Variants in NEDD9 observed in about 807,000 individuals in gnomAD.
The protein encoded by NEDD9 is neural precursor cell expressed, developmentally down-regulated 9.
A neutral mutation model predicts 76.6 loss-of-function variants in NEDD9; 26 were observed. That is an observed-to-expected ratio of 0.34 (90% CI 0.25 to 0.47). The LOEUF (loss-of-function observed/expected upper bound fraction) is 0.47. NEDD9 is among the 20% of genes least tolerant of loss of function. The pLI is 1.00. For synonymous variants in NEDD9, 392 were observed against 414.2 expected (o/e 0.95, Z 0.65); for missense variants, 937 against 1,058.5 (o/e 0.89, Z 1.59).
chr6:11,374,881 T>G (rs1762946435), intron 1 of NEDD9, among the ~76,000 whole-genome samples: 1 of 152,182 alleles, frequency 6.6e-6, no homozygotes, highest in Non-Finnish European at 1.5e-5. Context: ...AGTCACAAAT[T>G]GTCTGTCCAG....
chr6:11,212,726 G>A (rs3798743), intron 2 of NEDD9, among the ~76,000 whole-genome samples: 41,428 of 152,080 alleles, frequency 0.27, 6,721 homozygotes, highest in African/African-American at 0.45. Context: ...ACTAGTATCT[G>A]TGCATTTTTA....
At chr6:11,228,213 C>G (rs1158638230) in intron 1 of NEDD9, among the ~76,000 whole-genome samples, 1 of 151,960 alleles carries the variant, frequency 6.6e-6, no homozygotes, top group East Asian at 1.9e-4. Flanking sequence ...CCAATGAGGT[C>G]ATAAAAGCAC....
intron 3 of NEDD9, chr6:11,258,644 A>C (rs1760051128): frequency 6.6e-6 from 1 of 152,020 alleles, no homozygotes; most frequent in Non-Finnish European, 1.5e-5. Context: ...ATCATTACTG[A>C]CTTCTAGCTC....
rs941982 is a variant in NEDD9, at chr6:11,190,393, A to G, written c.1476T>C (p.Val492=). The G allele has an allele frequency of 0.88, 1,424,795 of 1,614,058 alleles. 629,753 individuals are homozygous for G. Among genetic ancestry groups the G allele is most frequent in the East Asian group, 1 (44,835 of 44,882 alleles). ...HNKMKRELQR[V]EDSHQILSQT... ...GACTCAGGATCTGGTGGGAGTCTTC[A>G]ACTCGTTGCAGCTCCCGCTTCATCT... The change falls in exon 5 of 7, where the codon GTT becomes GTC. Residue 492 remains valine, a synonymous_variant. Transcript: ENST00000379446. The surrounding 1 kb of genome is among the most constrained non-coding windows in gnomAD (Gnocchi z 5.8).
intron 1 of NEDD9, among the ~76,000 whole-genome samples, chr6:11,354,452 T>C (rs1481014210): frequency 6.6e-6 from 1 of 152,138 alleles, no homozygotes; most frequent in Non-Finnish European, 1.5e-5. Context: ...GAACTGACAA[T>C]GGTGACCTTG....
At chr6:11,278,231 C>T (rs1561814393) in intron 3 of NEDD9, among the ~76,000 whole-genome samples, 2 of 152,200 alleles carry the variant, frequency 1.3e-5, no homozygotes, top group African/African-American at 2.4e-5. Context: ...CGCACCTCTG[C>T]CTCTCCTCCT....
In NEDD9 at chr6:11,241,142, C is replaced by T. The variant is rs1383452621; in HGVS notation, c.13-27415G>A. The stretch of plus-strand genomic sequence containing the variant: ...CCAACATCAAATAAACAGGAATGGA[C>T]TCTCATGGCTGAAATGAGAGTGGCC... On this transcript the variant is annotated intron_variant, in intron 3 of 3. Transcript: ENST00000397378. This position sits in a 1 kb window ranked among gnomAD's most constrained non-coding sequence, Gnocchi z 4.0. Among the ~76,000 whole-genome samples, 1 of 152,242 alleles carries T rather than the reference C, an allele frequency of 6.6e-6. No individual in the cohort carries two copies. Among genetic ancestry groups the T allele is most frequent in the Non-Finnish European group, 1.5e-5 (1 of 68,046 alleles).
chr6:11,287,248 C>G (rs1473276275), intron 3 of NEDD9, among the ~76,000 whole-genome samples: 2 of 151,996 alleles, frequency 1.3e-5, no homozygotes, highest in African/African-American at 4.8e-5. Context: ...GCCAACATGG[C>G]AAAACCCCAT....
intron 3 of NEDD9, among the ~76,000 whole-genome samples, chr6:11,297,512 A>C (rs1422383072): frequency 2.6e-5 from 4 of 152,194 alleles, no homozygotes; most frequent in Admixed American, 2.0e-4. Flanking sequence ...GAACCAGAAA[A>C]ATCACAGCTT....
exon 3 of NEDD9, chr6:11,306,078 T>C: frequency 6.4e-7 from 1 of 1,553,328 alleles, no homozygotes; most frequent in South Asian, 1.1e-5. Flanking sequence ...GACCAGTTTC[T>C]TCGTTTTCAT....
At chr6:11,197,486 A>G (rs1758322126) in intron 2 of NEDD9, among the ~76,000 whole-genome samples, 1 of 152,144 alleles carries the variant, frequency 6.6e-6, no homozygotes, top group Admixed American at 6.5e-5. Flanking sequence ...GAGGAATCCA[A>G]CCTTTCTCAG....
intron 1 of NEDD9, among the ~76,000 whole-genome samples, chr6:11,356,012 T>C (rs6913589): frequency 0.33 from 50,211 of 151,714 alleles, 9,619 homozygotes; most frequent in Admixed American, 0.44. Flanking sequence ...TGAGCCACCA[T>C]GCCCGGCCGA....
At chr6:11,324,592 A>G (rs1016648815) in intron 2 of NEDD9, among the ~76,000 whole-genome samples, 9 of 152,188 alleles carry the variant, frequency 5.9e-5, no homozygotes, top group Admixed American at 2.0e-4. Flanking sequence ...TGTATTTTGT[A>G]AGTGACTTCT....
At chr6:11,228,570 T>TTG (rs1759376960) in intron 1 of NEDD9, among the ~76,000 whole-genome samples, 1 of 150,798 alleles carries the variant, frequency 6.6e-6, no homozygotes, top group South Asian at 2.1e-4. Flanking sequence ...AGGTGTTTTT[T>TTG]TCAGAAGACT....
intron 3 of NEDD9, among the ~76,000 whole-genome samples, chr6:11,289,491 C>T (rs1380076705): frequency 5.9e-5 from 9 of 152,130 alleles, no homozygotes; most frequent in East Asian, 1.9e-4. Context: ...CTCGCTATTT[C>T]GCCCAGGCTG....
intron 1 of NEDD9, among the ~76,000 whole-genome samples, chr6:11,375,859 C>T (rs4533978): frequency 0.26 from 39,705 of 152,088 alleles, 6,335 homozygotes; most frequent in East Asian, 0.53. Context: ...GAGTCTCACT[C>T]TATCACTCAG....
chr6:11,330,256 A>G (rs934158791), intron 2 of NEDD9, among the ~76,000 whole-genome samples: 1 of 152,208 alleles, frequency 6.6e-6, no homozygotes, highest in Non-Finnish European at 1.5e-5. Flanking sequence ...ATCCAAAGTT[A>G]GACACTCCTT....
Position 11,190,001 on chromosome 6 carries a change from C to T in NEDD9, c.1868G>A (p.Arg623Lys). The stretch of plus-strand genomic sequence containing the variant: ...GTAATCGTAGTCATCCATCCAGCTC[C>T]TCTCAGAACCATCACTGCTGCTACA... Reference protein sequence around the residue: ...PDCSSSDGSERSWMDDYDYVH... With the variant: ...PDCSSSDGSEKSWMDDYDYVH... Residue 623 changes from arginine to lysine, a missense_variant, in exon 5 of 7, where the codon AGG becomes AAG. Transcript: ENST00000379446. The surrounding 1 kb of genome is among the most constrained non-coding windows in gnomAD (Gnocchi z 5.8). The T allele has an allele frequency of 6.6e-7, 1 of 1,524,814 alleles. No homozygotes were observed. Among genetic ancestry groups the T allele is most frequent in the South Asian group, 1.3e-5 (1 of 75,832 alleles). The allele number at this position is 1,524,814 out of a possible 1,614,324, so 94.5% of individuals were successfully genotyped here.
chr6:11,369,347 AC>A (rs1762819431), intron 1 of NEDD9, among the ~76,000 whole-genome samples: 1 of 152,234 alleles, frequency 6.6e-6, no homozygotes, highest in Non-Finnish European at 1.5e-5. Flanking sequence ...ACAAGCCAAA[AC>A]AAAAATGGTC....
Sources: gnomAD v4.1 joint callset for allele counts (sites outside exome capture counted in the v4.1 genomes callset) on GRCh38, gnomAD v4.1.1 for gene constraint, Gnocchi (gnomAD v3.1) non-coding constraint, MANE v1.5 for transcripts, NCBI Gene and HGNC (gene_info 2026-07-23, HGNC 2026-07-21) for gene names.